Variants in EGFR observed in about 807,000 individuals in gnomAD.
EGFR encodes the protein avian erythroblastic leukemia viral (v-erb-b) oncogene homolog.
EGFR carries 58 observed loss-of-function variants against 143.0 expected under a neutral mutation model. That is an observed-to-expected ratio of 0.41 (90% confidence interval 0.33 to 0.50). The LOEUF (loss-of-function observed/expected upper bound fraction) is 0.50. EGFR is among the 20% of genes least tolerant of loss of function. The probability of loss-of-function intolerance (pLI) is 0.39; values close to 1 mark genes in which losing one functional copy is unlikely to be tolerated. For missense variants in EGFR, 1,307 were observed against 1,579.0 expected (o/e 0.83, Z 2.92); for synonymous variants, 613 against 594.4 (o/e 1.03, Z -0.45).
intron 7 of EGFR, among the ~76,000 whole-genome samples, chr7:55,154,614 C>A (rs906691972): frequency 6.6e-6 from 1 of 152,196 alleles, no homozygotes; most frequent in South Asian, 2.1e-4. Flanking sequence ...GAAAGTTATG[C>A]CTCTTAGGAG....
chr7:55,064,303 T>C (rs1319589052), intron 1 of EGFR, among the ~76,000 whole-genome samples: 2 of 152,238 alleles, frequency 1.3e-5, no homozygotes, highest in Admixed American at 6.5e-5. Context: ...AAGCCAATTA[T>C]GCAAGCTTCA....
intron 14 of EGFR, among the ~76,000 whole-genome samples, chr7:55,164,123 T>A (rs1235630066): frequency 1.3e-5 from 2 of 152,244 alleles, no homozygotes; most frequent in Non-Finnish European, 2.9e-5. Context: ...CCTGACCTAG[T>A]CAGCATTGCT....
At chr7:55,067,390 A>G (rs965239051) in intron 1 of EGFR, among the ~76,000 whole-genome samples, 3 of 151,504 alleles carry the variant, frequency 2.0e-5, no homozygotes, top group East Asian at 3.8e-4. Flanking sequence ...ATTCAAGCAA[A>G]TAGTTGCCTG....
intron 22 of EGFR, among the ~76,000 whole-genome samples, chr7:55,196,986 A>G (rs1260913779): frequency 6.6e-6 from 1 of 152,162 alleles, no homozygotes; most frequent in Admixed American, 6.5e-5. Context: ...TGCCTTGGCA[A>G]TTCAGGCTCT....
At chr7:55,182,768 C>T (rs972307616) in intron 20 of EGFR, among the ~76,000 whole-genome samples, 1 of 152,176 alleles carries the variant, frequency 6.6e-6, no homozygotes, top group Non-Finnish European at 1.5e-5. Context: ...TCTCTGAGCA[C>T]AAAAATCACT....
intron 20 of EGFR, 72 bp from the exon 21 acceptor site, chr7:55,191,647 G>T (rs1283449622): frequency 1.2e-6 from 2 of 1,602,168 alleles, no homozygotes; most frequent in South Asian, 2.2e-5. Flanking sequence ...GCATGAACAT[G>T]ACCCTGAATT....
chr7:55,108,392 T>C (rs1792266969), intron 1 of EGFR, among the ~76,000 whole-genome samples: 1 of 152,230 alleles, frequency 6.6e-6, no homozygotes, highest in Admixed American at 6.5e-5. Context: ...CTTCCTCTGT[T>C]GTCGAATGTG....
At chr7:55,033,181 C>T (rs1404743245) in intron 1 of EGFR, among the ~76,000 whole-genome samples, 3 of 152,186 alleles carry the variant, frequency 2.0e-5, no homozygotes, top group African/African-American at 7.2e-5. Context: ...TTTCTATTTA[C>T]TCTCTATTTT....
rs1352162601 is a variant in EGFR, at chr7:55,143,424, A to G, written c.360A>G (p.Ala120=). ...ACTACGAAAATTCCTATGCCTTAGCAGTCTTATCTAACTATGATGCAAATA... is the reference window on the plus strand; with the variant it reads ...ACTACGAAAATTCCTATGCCTTAGCGGTCTTATCTAACTATGATGCAAATA... The part of the protein sequence containing the change: ...NMYYENSYAL[A]VLSNYDANKT... The change falls in exon 3 of 28, where the codon GCA becomes GCG. Residue 120 remains alanine (A), a synonymous_variant. Transcript: ENST00000275493. 6.2e-7 allele frequency: 1 copy of G among 1,614,234 alleles called. No homozygotes were observed. The highest frequency in any genetic ancestry group is 1.7e-5 in the Admixed American group (1 of 60,030).
intron 22 of EGFR, among the ~76,000 whole-genome samples, chr7:55,196,178 A>ATTTTTTTTTTGTTTTTTTTTTTTTTT (rs1787605107): frequency 1.1e-5 from 1 of 88,126 alleles, no homozygotes; most frequent in Non-Finnish European, 2.0e-5. Flanking sequence ...ATGTGTTGGG[A>ATTTTTTTTTTGTTTTTTTTTTTTTTT]TTTTTTTTTT....
chr7:55,193,982 C>T (rs1001377248), intron 22 of EGFR, among the ~76,000 whole-genome samples: 2 of 152,108 alleles, frequency 1.3e-5, no homozygotes, highest in African/African-American at 4.8e-5. Flanking sequence ...TGAGCTGAGC[C>T]ACCTCAATTA....
At chr7:55,040,377 G>C (rs1191830595) in intron 1 of EGFR, among the ~76,000 whole-genome samples, 1 of 152,160 alleles carries the variant, frequency 6.6e-6, no homozygotes, top group Non-Finnish European at 1.5e-5. Flanking sequence ...TAATTAATAG[G>C]AGGAAGGTGG....
chr7:55,087,079 T>C (rs1414665592), intron 1 of EGFR, among the ~76,000 whole-genome samples: 1 of 151,938 alleles, frequency 6.6e-6, no homozygotes, highest in Non-Finnish European at 1.5e-5. Context: ...ACTGCCCACT[T>C]GAAACAGGGA....
rs2128853163 is a variant in EGFR, at chr7:55,019,238, T to C, written c.-40T>C. ...CACGGCCCCCTGACTCCGTCCAGTA[T>C]TGATCGGGAGAGCCGGAGCGAGCTC... On this transcript the variant is annotated 5_prime_UTR_variant, in exon 1 of 28. Coordinates refer to ENST00000275493, the MANE Select transcript of EGFR (RefSeq NM_005228.5). 1 of 1,434,990 alleles carries C rather than the reference T, an allele frequency of 7.0e-7. No homozygotes were observed. 88.9% of individuals were successfully genotyped at this position (1,434,990 alleles called of 1,614,324 possible). A position where few individuals can be genotyped will look rare whatever the true frequency, so the allele number is the denominator to read the frequency against.
chr7:55,138,062 T>A (rs1475263228), intron 1 of EGFR, among the ~76,000 whole-genome samples: 3 of 152,226 alleles, frequency 2.0e-5, no homozygotes, highest in East Asian at 3.8e-4. Context: ...TACTTTACTT[T>A]AAAATGCATC....
At chr7:55,180,471 C>T (rs1456922777) in intron 19 of EGFR, 2 of 152,284 alleles carry the variant, frequency 1.3e-5, no homozygotes, top group African/African-American at 4.8e-5. Context: ...GGCAGCCAGC[C>T]GGAATTAGCA....
intron 1 of EGFR, among the ~76,000 whole-genome samples, chr7:55,025,401 C>T (rs545907469): frequency 3.3e-5 from 5 of 152,256 alleles, no homozygotes; most frequent in African/African-American, 1.2e-4. Context: ...GATTGACACC[C>T]AGGCTTCTCA....
intron 1 of EGFR, among the ~76,000 whole-genome samples, chr7:55,108,131 T>C (rs1377050182): frequency 1.3e-5 from 2 of 152,230 alleles, no homozygotes; most frequent in African/African-American, 4.8e-5. Context: ...TCATTCCAAA[T>C]GCAGAAATCT....
At chr7:55,033,037 T>G (rs1351472795) in intron 1 of EGFR, among the ~76,000 whole-genome samples, 1 of 152,210 alleles carries the variant, frequency 6.6e-6, no homozygotes, top group African/African-American at 2.4e-5. Context: ...TGTCCAAAAT[T>G]GTCATGTCTA....
Sources: allele counts gnomAD v4.1 joint callset (sites outside exome capture counted in the v4.1 genomes callset), GRCh38; gene constraint gnomAD v4.1.1; transcripts MANE v1.5; gene names NCBI Gene and HGNC (gene_info 2026-07-23, HGNC 2026-07-21).